Variants in ZRANB3 observed in about 807,000 individuals in gnomAD.
ZRANB3 encodes the protein zinc finger RANBP2-type containing 3.
A neutral mutation model predicts 133.8 loss-of-function variants in ZRANB3; 125 were observed. The ratio of observed to expected loss-of-function variants is 0.93; its 90% CI spans 0.81 to 1.08. The LOEUF is 1.08. Ranked by LOEUF, ZRANB3 falls within the 50% of genes least tolerant of loss-of-function variation. The pLI, the probability that ZRANB3 is intolerant of heterozygous loss-of-function variation, is 0.00. For synonymous variants in ZRANB3, 387 were observed against 432.7 expected, an observed-to-expected ratio of 0.89 and a Z score of 1.31; for missense variants, 1,229 against 1,275.5, an observed-to-expected ratio of 0.96 and a Z score of 0.56.
At chr2:135,261,238 C>T (rs989599669) in intron 12 of ZRANB3, among the ~76,000 whole-genome samples, 3 of 151,960 alleles carry the variant, frequency 2.0e-5, no homozygotes, top group Non-Finnish European at 4.4e-5. Flanking sequence ...GGAAAATTCC[C>T]GTTGGAAATG....
At chr2:135,308,479 C>T (rs1682806573) in intron 8 of ZRANB3, among the ~76,000 whole-genome samples, 1 of 152,228 alleles carries the variant, frequency 6.6e-6, no homozygotes, top group African/African-American at 2.4e-5. Flanking sequence ...CAGCTAGCAC[C>T]TGCTAGATGC....
In ZRANB3 at chr2:135,230,858, T is replaced by A. The variant is rs780390433; in HGVS notation, c.1609A>T (p.Thr537Ser). Residue 537 changes from threonine (T) to serine (S), a missense_variant, in exon 13 of 21, where the codon ACC becomes TCC. Thr to Ser is a moderately conservative substitution (Grantham distance 58, BLOSUM62 1). Transcript: ENST00000264159. ...AATCTCTTTGATTCGTCACAGGAGG[T>A]CATCAACTGTCTTTTTTTAGGTTGT... ...VPQPKKRQLMTSCDESKRFRE... is the reference protein window; with the variant it reads ...VPQPKKRQLMSSCDESKRFRE... 96 of 1,600,120 alleles carry A rather than the reference T, an allele frequency of 6.0e-5. No individual in the cohort carries two copies. The South Asian group carries it at 7.1e-4, about 12-fold the overall frequency.
intron 2 of ZRANB3, among the ~76,000 whole-genome samples, chr2:135,487,872 T>C (rs1298123714): frequency 6.6e-6 from 1 of 152,116 alleles, no homozygotes; most frequent in Non-Finnish European, 1.5e-5. Context: ...ACTGGAGGAG[T>C]ACATTTAATT....
rs753033293 is a variant in ZRANB3 at position 135,207,693 on chromosome 2, T to G, written c.2750A>C (p.Gln917Pro). 1 of 1,614,040 alleles carries G rather than the reference T, an allele frequency of 6.2e-7. No homozygotes were observed. Among genetic ancestry groups the G allele is most frequent in the South Asian group, 1.1e-5 (1 of 91,084 alleles). ...TGCTTGCTTAGTCTGGCAAGTGGGT[T>G]GCTGACAGCGAAGGCAAAGTGGATT... Reference protein sequence around the residue: ...EGNPLCLRCQQPTCQTKQACK... With the variant: ...EGNPLCLRCQPPTCQTKQACK... The change falls in exon 19 of 21, where the codon CAA (glutamine) becomes CCA (proline). Residue 917 changes from glutamine to proline, a missense_variant. Physicochemically the swap from Gln to Pro is moderately conservative, Grantham distance 76. Transcript: ENST00000264159.
chr2:135,476,076 T>C (rs1316486723), intron 2 of ZRANB3, among the ~76,000 whole-genome samples: 7 of 151,750 alleles, frequency 4.6e-5, no homozygotes. Flanking sequence ...AGACTCCATC[T>C]CAAAAGAAAA....
intron 2 of ZRANB3, among the ~76,000 whole-genome samples, chr2:135,468,186 A>G (rs761276441): frequency 1.3e-5 from 2 of 152,212 alleles, no homozygotes; most frequent in Non-Finnish European, 2.9e-5. Context: ...TAATTACCGC[A>G]AAATTTTACT....
intron 2 of ZRANB3, among the ~76,000 whole-genome samples, chr2:135,464,966 T>C (rs1690916813): frequency 6.6e-6 from 1 of 152,124 alleles, no homozygotes; most frequent in Admixed American, 6.6e-5. Flanking sequence ...AAAAATAGCC[T>C]CAGCCTGGAG....
intron 2 of ZRANB3, among the ~76,000 whole-genome samples, chr2:135,459,107 G>C (rs1280489785): frequency 6.6e-6 from 1 of 152,110 alleles, no homozygotes; most frequent in South Asian, 2.1e-4. Context: ...CTAAATGAAA[G>C]TGATCCTGAC....
At chr2:135,248,081 T>G (rs2105091713) in intron 12 of ZRANB3, among the ~76,000 whole-genome samples, 1 of 152,286 alleles carries the variant, frequency 6.6e-6, no homozygotes, top group South Asian at 2.1e-4. Flanking sequence ...CTTTGCTGTT[T>G]CACAGACTTC....
intron 6 of ZRANB3, among the ~76,000 whole-genome samples, chr2:135,340,475 C>T (rs1179172653): frequency 6.6e-6 from 1 of 151,918 alleles, no homozygotes; most frequent in Non-Finnish European, 1.5e-5. Context: ...TTTCAAATAA[C>T]ATTTAGAATC....
At chr2:135,220,679 C>CAG (rs1694506685) in intron 15 of ZRANB3, among the ~76,000 whole-genome samples, 1 of 116,496 alleles carries the variant, frequency 8.6e-6, no homozygotes, top group Non-Finnish European at 1.6e-5. Flanking sequence ...GCCTGGGTGG[C>CAG]AGAGAGAGAC....
In ZRANB3 at chr2:135,197,299, G is replaced by C. The variant is rs1208415099; in HGVS notation, c.*3043C>G. On this transcript the variant is annotated 3_prime_UTR_variant, in exon 21 of 21. Coordinates refer to ENST00000264159, the MANE Select transcript of ZRANB3 (RefSeq NM_032143.4). ...AAACACAACCTATTTACTGTAAAGA[G>C]CTCAAGAGCATTGACTTTTTTGTCT... 6.6e-6 allele frequency: 1 copy of C among 152,114 alleles called. No individual in the cohort carries two copies. 9.4% of individuals were successfully genotyped at this position (152,114 alleles called of 1,614,324 possible). A position where few individuals can be genotyped will look rare whatever the true frequency, so the allele number is the denominator to read the frequency against.
chr2:135,381,313 G>A (rs969699991), intron 3 of ZRANB3, among the ~76,000 whole-genome samples: 3 of 152,170 alleles, frequency 2.0e-5, no homozygotes, highest in East Asian at 1.9e-4. Context: ...AGGAGCGTCC[G>A]CCATTGCTGA....
At chr2:135,397,270 T>C (rs1687534626) in intron 2 of ZRANB3, among the ~76,000 whole-genome samples, 1 of 151,532 alleles carries the variant, frequency 6.6e-6, no homozygotes, top group South Asian at 2.1e-4. Flanking sequence ...TAGCGAGACC[T>C]CCTCTCCACT....
intron 2 of ZRANB3, among the ~76,000 whole-genome samples, chr2:135,455,345 C>T (rs1690462101): frequency 2.0e-5 from 3 of 151,418 alleles, no homozygotes; most frequent in African/African-American, 4.8e-5. Context: ...TGTGCCACCA[C>T]GCCTGGCTAA....
intron 2 of ZRANB3, among the ~76,000 whole-genome samples, chr2:135,490,945 A>G (rs1692343815): frequency 6.6e-6 from 1 of 152,138 alleles, no homozygotes; most frequent in South Asian, 2.1e-4. Flanking sequence ...AGTGAATCTC[A>G]CAAAGGTACA....
chr2:135,263,487 GAAC>G (rs543336714), intron 12 of ZRANB3, among the ~76,000 whole-genome samples: 1 of 152,070 alleles, frequency 6.6e-6, no homozygotes, highest in East Asian at 1.9e-4. Context: ...TAGCCCAGAG[GAAC>G]AACAACAACA....
intron 2 of ZRANB3, among the ~76,000 whole-genome samples, chr2:135,422,204 T>C (rs1688887417): frequency 6.6e-6 from 1 of 152,082 alleles, no homozygotes; most frequent in African/African-American, 2.4e-5. Flanking sequence ...CTGCTCCCCT[T>C]ATAAGATAAA....
intron 2 of ZRANB3, among the ~76,000 whole-genome samples, chr2:135,437,186 C>T (rs1297393441): frequency 6.6e-6 from 1 of 152,138 alleles, no homozygotes. Flanking sequence ...TCTCGAACTC[C>T]TGAACTCATG....
Sources: gnomAD v4.1 joint callset for allele counts (sites outside exome capture counted in the v4.1 genomes callset) on GRCh38, gnomAD v4.1.1 for gene constraint, MANE v1.5 for transcripts, NCBI Gene and HGNC (gene_info 2026-07-23, HGNC 2026-07-21) for gene names.